ABLIM2: variants seen among roughly 807,000 people sequenced by gnomAD.
ABLIM2 encodes actin binding LIM protein family member 2.
ABLIM2 carries 53 observed loss-of-function variants against 97.7 expected under a neutral mutation model. That is an observed-to-expected ratio of 0.54 (90% CI 0.44 to 0.68). The LOEUF (loss-of-function observed/expected upper bound fraction) is 0.68. ABLIM2 is among the 30% of genes least tolerant of loss of function. ABLIM2 has a pLI of 0.00. For synonymous variants in ABLIM2, 361 were observed against 345.8 expected (o/e 1.04, Z -0.49); for missense variants, 835 against 867.2 (o/e 0.96, Z 0.47).
chr4:8,038,353 G>A (rs1028981573), intron 9 of ABLIM2, among the ~76,000 whole-genome samples: 1 of 152,108 alleles, frequency 6.6e-6, no homozygotes, highest in Non-Finnish European at 1.5e-5. Flanking sequence ...CTTCACTGCT[G>A]GGGGGAATGC....
At chr4:8,118,061 C>T (rs1293529911) in intron 1 of ABLIM2, among the ~76,000 whole-genome samples, 1 of 152,220 alleles carries the variant, frequency 6.6e-6, no homozygotes, top group Non-Finnish European at 1.5e-5. Flanking sequence ...AGCTCCAGGC[C>T]ACATTCTCCC....
intron 3 of ABLIM2, among the ~76,000 whole-genome samples, chr4:8,092,963 C>T (rs1271996653): frequency 6.6e-6 from 1 of 152,110 alleles, no homozygotes; most frequent in Non-Finnish European, 1.5e-5. Context: ...ATTCTCCTGC[C>T]TCGGCCTTCC....
chr4:7,971,734 C>A (rs1358610102), intron 20 of ABLIM2, among the ~76,000 whole-genome samples: 1 of 152,132 alleles, frequency 6.6e-6, no homozygotes, highest in African/African-American at 2.4e-5. Context: ...CAACCTCCAG[C>A]CCTAAGTCCC....
At chr4:8,091,831 A>ATAT (rs1340477145) in intron 3 of ABLIM2, among the ~76,000 whole-genome samples, 1 of 96,826 alleles carries the variant, frequency 1.0e-5, no homozygotes, top group Admixed American at 1.7e-4. Context: ...ATATTATATA[A>ATAT]ATAATATAAT....
chr4:7,969,808 G>A (rs778400813), intron 20 of ABLIM2, among the ~76,000 whole-genome samples: 20 of 148,530 alleles, frequency 1.3e-4, no homozygotes, highest in Non-Finnish European at 2.5e-4. Flanking sequence ...GCCCTCAGCC[G>A]CCTGCTGCTA....
chr4:7,983,606 G>A, intron 18 of ABLIM2, 52 bp from the exon 19 acceptor site: 1 of 1,603,646 alleles, frequency 6.2e-7, no homozygotes. Context: ...AGTGCAAGAT[G>A]TCGTCCAAGG....
chr4:8,128,847 C>T lies in ABLIM2; in HGVS notation c.11-22210G>A, dbSNP rs1241061774. On this transcript the variant is annotated intron_variant, in intron 1 of 20. Coordinates refer to ENST00000447017, the MANE Select transcript of ABLIM2 (RefSeq NM_001130083.2). The surrounding 1 kb of genome is among the most constrained non-coding windows in gnomAD (Gnocchi z 4.9). ...TCGCTCTTTCTACCACATGAGGGTG[C>T]GAGGAAAAGGCGGCTGTCTGCAGCT... Among the ~76,000 whole-genome samples the T allele has an allele frequency of 3.9e-5, 6 of 152,162 alleles. No individual in the cohort carries two copies. The highest frequency in any genetic ancestry group is 7.3e-5 in the Non-Finnish European group (5 of 68,030).
chr4:8,145,035 G>A (rs2152951386), intron 1 of ABLIM2, among the ~76,000 whole-genome samples: 1 of 152,238 alleles, frequency 6.6e-6, no homozygotes, highest in Admixed American at 6.5e-5. Context: ...GTGACCTGGG[G>A]CGGGTCGTGC....
intron 20 of ABLIM2, among the ~76,000 whole-genome samples, chr4:7,982,829 G>T (rs1418185228): frequency 2.0e-5 from 3 of 152,126 alleles, no homozygotes; most frequent in Admixed American, 2.0e-4. Context: ...TTAGCATCCT[G>T]AGTAGCTGGG....
At position 8,072,166 on chromosome 4, in the gene ABLIM2, A is replaced by G. The variant is rs1194396751; in HGVS notation, c.675+5462T>C. 10 of 707,388 alleles carry G rather than the reference A, an allele frequency of 1.4e-5. No individual in the cohort carries two copies. The highest frequency in any genetic ancestry group is 1.9e-5 in the African/African-American group (1 of 51,748). The allele number at this position is 707,388 out of a possible 1,614,324, so 43.8% of individuals were successfully genotyped here. ...TTCTCCTCCACAGCAGAGGAGGAGG[A>G]AAAAACCCAGACCTGTTTTGCTCCT... On this transcript the variant is annotated intron_variant, in intron 6 of 20. Transcript: ENST00000447017. This position sits in a 1 kb window ranked among gnomAD's most constrained non-coding sequence, Gnocchi z 5.8.
chr4:7,993,337 G>A (rs1255398291), intron 16 of ABLIM2, among the ~76,000 whole-genome samples: 1 of 152,240 alleles, frequency 6.6e-6, no homozygotes, highest in African/African-American at 2.4e-5. Context: ...TGCCAGAGGT[G>A]GCAAATGGAG....
chr4:7,976,682 T>C (rs1190564646), intron 20 of ABLIM2, among the ~76,000 whole-genome samples: 1 of 150,230 alleles, frequency 6.7e-6, no homozygotes, highest in Non-Finnish European at 1.5e-5. Flanking sequence ...CACACACACA[T>C]GTGCATGCAC....
rs1282250637 is a variant in ABLIM2, at chr4:8,112,281, G to A, written c.11-5644C>T. On this transcript the variant is annotated intron_variant, in intron 1 of 20. Transcript: ENST00000447017. The surrounding 1 kb of genome is among the most constrained non-coding windows in gnomAD (Gnocchi z 4.2). ...CTGCCACCAGCCAGCCAGAATGGGA[G>A]CCAGCAGGGTCCGGTTTGGACCCAC... Among the ~76,000 whole-genome samples the A allele has an allele frequency of 6.6e-6, 1 of 152,246 alleles. No homozygotes were observed. The highest frequency in any genetic ancestry group is 1.5e-5 in the Non-Finnish European group (1 of 68,046).
At chr4:8,146,105 G>A (rs1033422870) in intron 1 of ABLIM2, among the ~76,000 whole-genome samples, 4 of 152,112 alleles carry the variant, frequency 2.6e-5, no homozygotes, top group Non-Finnish European at 4.4e-5. Flanking sequence ...GAAATGATGC[G>A]TCCTGTATTC....
chr4:8,145,858 C>CTATT (rs1482182147), intron 1 of ABLIM2, among the ~76,000 whole-genome samples: 3 of 151,460 alleles, frequency 2.0e-5, no homozygotes, highest in Non-Finnish European at 4.4e-5. Context: ...GTCCACCTCT[C>CTATT]AAAATAGAGT....
intron 1 of ABLIM2, among the ~76,000 whole-genome samples, chr4:8,117,722 G>A (rs760218158): frequency 8.6e-5 from 13 of 151,900 alleles, no homozygotes; most frequent in East Asian, 1.9e-4. Context: ...AGACCTAACC[G>A]TACTGGGATG....
At chr4:8,027,560 C>A (rs1040965137) in intron 12 of ABLIM2, among the ~76,000 whole-genome samples, 199 bp downstream of exon 12, 2 of 152,204 alleles carry the variant, frequency 1.3e-5, no homozygotes, top group Non-Finnish European at 2.9e-5. Flanking sequence ...CTTTATGTAA[C>A]AAGGTACCTA....
rs530510116 is a variant in ABLIM2, at chr4:8,155,797, C to T, written c.10+2883G>A. Among the ~76,000 whole-genome samples, 87 of 150,872 alleles carry T rather than the reference C, an allele frequency of 5.8e-4. No individual in the cohort carries two copies. The highest frequency in any genetic ancestry group is 1.8e-3 in the African/African-American group (72 of 41,078). ...GACACAGACACACACAAAGGGAAGA[C>T]GGGGCGAGGACACAGACACACACAA... On this transcript the variant is annotated intron_variant, in intron 1 of 20. Transcript: ENST00000447017. The surrounding 1 kb of genome is among the most constrained non-coding windows in gnomAD (Gnocchi z 4.2).
In ABLIM2 at chr4:8,085,719, C is replaced by T. The variant is rs757020739; in HGVS notation, c.454+2450G>A. On this transcript the variant is annotated intron_variant, in intron 4 of 20. Coordinates refer to ENST00000447017, the MANE Select transcript of ABLIM2 (RefSeq NM_001130083.2). This position sits in a 1 kb window ranked among gnomAD's most constrained non-coding sequence, Gnocchi z 6.1. ...CCCACGCTGCAGCCCCGTCCACTCA[C>T]GCGGGTCTGGGGGGTGCACCCAGCA... 6.6e-5 allele frequency among the ~76,000 whole-genome samples: 10 copies of T among 152,088 alleles called. No homozygotes were observed. The highest frequency in any genetic ancestry group is 1.3e-4 in the Non-Finnish European group (9 of 68,008).
Sources: allele counts gnomAD v4.1 joint callset (sites outside exome capture counted in the v4.1 genomes callset), GRCh38; gene constraint gnomAD v4.1.1; non-coding constraint Gnocchi (gnomAD v3.1); transcripts MANE v1.5; gene names NCBI Gene and HGNC (gene_info 2026-07-23, HGNC 2026-07-21).